The following SPTLC1 variants were observed in gnomAD, a reference collection of about 807,000 sequenced individuals.
The protein encoded by SPTLC1 is serine palmitoyltransferase 1.
A neutral mutation model predicts 68.9 loss-of-function variants in SPTLC1; 55 were observed. That is an observed-to-expected ratio of 0.80 (90% CI 0.64 to 1.00). The LOEUF is 1.00. Among genes scored for constraint, SPTLC1 ranks in the 50% least tolerant of loss-of-function variants. The pLI, the probability that SPTLC1 is intolerant of heterozygous loss-of-function variation, is 0.00. For missense variants in SPTLC1, 449 were observed against 573.1 expected, an observed-to-expected ratio of 0.78 and a Z score of 2.21; for synonymous variants, 197 against 201.6, an observed-to-expected ratio of 0.98 and a Z score of 0.19.
intron 12 of SPTLC1, among the ~76,000 whole-genome samples, chr9:92,043,853 G>A (rs992413334): frequency 1.3e-5 from 2 of 152,130 alleles, no homozygotes; most frequent in African/African-American, 4.8e-5. Flanking sequence ...ACCATGCCAG[G>A]GCTTCCTCTG....
At chr9:92,092,359 A>G (rs891340169) in intron 3 of SPTLC1, among the ~76,000 whole-genome samples, 2 of 152,196 alleles carry the variant, frequency 1.3e-5, no homozygotes, top group African/African-American at 4.8e-5. Flanking sequence ...CAAAAACTCA[A>G]GGAAAACATT....
intron 5 of SPTLC1, among the ~76,000 whole-genome samples, chr9:92,072,646 C>A (rs558027029): frequency 3.9e-5 from 6 of 152,284 alleles, no homozygotes; most frequent in African/African-American, 1.4e-4. Context: ...CAATCTAAAG[C>A]CTAAACGTCT....
chr9:92,080,941 C>T lies in SPTLC1; in HGVS notation c.283G>A (p.Val95Met). 6.2e-7 allele frequency: 1 copy of T among 1,614,112 alleles called. No homozygotes were observed. The highest frequency in any genetic ancestry group is 8.5e-7 in the Non-Finnish European group (1 of 1,179,988). The change falls in exon 4 of 15, where the codon GTG becomes ATG. Residue 95 changes from valine to methionine, a missense_variant. Around this residue, in one of 3 missense-constraint regions of SPTLC1, gnomAD observed 391 missense variants for 472.1 expected, o/e 0.83. Transcript: ENST00000262554. ...VSGPPSHKTVVNGKECINFAS... is the reference protein window; with the variant it reads ...VSGPPSHKTVMNGKECINFAS... ...AAGTTTATACATTCTTTTCCATTCACCACAGTTTTGTGGCTTGGAGGGCTA... is the reference window on the plus strand; with the variant it reads ...AAGTTTATACATTCTTTTCCATTCATCACAGTTTTGTGGCTTGGAGGGCTA...
intron 9 of SPTLC1, 87 bp downstream of exon 9, chr9:92,049,873 C>G (rs1031328345): frequency 1.6e-5 from 15 of 941,828 alleles, no homozygotes; most frequent in Non-Finnish European, 2.6e-5. Flanking sequence ...GGAACACTGT[C>G]TTGTGCCTAT....
rs1239238512 is a variant in SPTLC1 at position 92,080,105 on chromosome 9, G to T, written c.355-17C>A. On this transcript the variant is annotated splice_polypyrimidine_tract_variant and intron_variant, in intron 4 of 14. Coordinates refer to ENST00000262554, the MANE Select transcript of SPTLC1 (RefSeq NM_006415.4). The stretch of plus-strand genomic sequence containing the variant: ...AGCTGCTGCCTTTATTGAAGTACAA[G>T]AATTATACTTTAATAATTTATCTTT... 3 of 1,591,432 alleles carry T rather than the reference G, an allele frequency of 1.9e-6. No individual in the cohort carries two copies. Among genetic ancestry groups the T allele is most frequent in the Non-Finnish European group, 2.6e-6 (3 of 1,160,392 alleles).
chr9:92,059,952 C>A (rs1177410974), intron 6 of SPTLC1, among the ~76,000 whole-genome samples: 1 of 152,154 alleles, frequency 6.6e-6, no homozygotes, highest in South Asian at 2.1e-4. Flanking sequence ...CCTCCACCCC[C>A]ACTGTGGTGT....
At chr9:92,083,235 T>C (rs1201026321) in intron 3 of SPTLC1, among the ~76,000 whole-genome samples, 1 of 152,218 alleles carries the variant, frequency 6.6e-6, no homozygotes, top group African/African-American at 2.4e-5. Context: ...GCAGAAGCTC[T>C]TTAGTTTAAT....
At position 92,055,487 on chromosome 9, in the gene SPTLC1, C is replaced by T. The variant is rs764623559; in HGVS notation, c.698G>A (p.Arg233His). ...GAAACGCCGAGTTACACGAGCCTTG[C>T]GAGGATTCTTTAAAAGAGAAAAAGC... ...EQEIEDQKNP[R>H]KARVTRRFIV... Residue 233 changes from arginine (R) to histidine (H), a missense_variant, in exon 8 of 15, where the codon CGC becomes CAC. Around this residue, in one of 3 missense-constraint regions of SPTLC1, gnomAD observed 391 missense variants for 472.1 expected, o/e 0.83. Transcript: ENST00000262554. 4.3e-6 allele frequency: 7 copies of T among 1,613,372 alleles called. No homozygotes were observed. The highest frequency in any genetic ancestry group is 1.1e-5 in the South Asian group (1 of 91,080).
In SPTLC1 at chr9:92,077,882, CTT is replaced by C. The variant is rs1330735107; in HGVS notation, c.427+2132_427+2133del. ...GAAGTTCTTTTCTTTTATACTTACTCTTTGTCTCACTCCCATTCCCTTGCCAC... is the reference window on the plus strand; with the variant it reads ...GAAGTTCTTTTCTTTTATACTTACTCTGTCTCACTCCCATTCCCTTGCCAC... On this transcript the variant is annotated intron_variant, in intron 5 of 14. Transcript: ENST00000262554. Among the ~76,000 whole-genome samples the C allele has an allele frequency of 4.6e-5, 7 of 152,144 alleles. 1 individual carries two copies. The South Asian group carries it at 1.4e-3, about 31-fold the overall frequency.
rs1833495203 is a variant in SPTLC1 at position 92,045,861 on chromosome 9, A to G, written c.1136+138T>C. The G allele has an allele frequency of 9.9e-6, 7 of 704,322 alleles. No individual in the cohort carries two copies. The Admixed American group carries it at 1.5e-4, about 15-fold the overall frequency. The allele number at this position is 704,322 out of a possible 1,614,324, so 43.6% of individuals were successfully genotyped here. ...GATCTGGTTTTACACAAATAAACCA[A>G]TGTGAGTGAACTAAGTTTTTGGTTT... On this transcript the variant is annotated intron_variant, in intron 12 of 14. Coordinates refer to ENST00000262554, the MANE Select transcript of SPTLC1 (RefSeq NM_006415.4).
chr9:92,083,626 C>T (rs1834988572), intron 3 of SPTLC1, among the ~76,000 whole-genome samples: 1 of 152,128 alleles, frequency 6.6e-6, no homozygotes, highest in Non-Finnish European at 1.5e-5. Context: ...CAGTACCATG[C>T]TGTTTTGGTT....
intron 8 of SPTLC1, chr9:92,053,880 C>A: frequency 1.2e-6 from 1 of 811,946 alleles, no homozygotes; most frequent in Non-Finnish European, 1.5e-6. Flanking sequence ...TGTCACTGTC[C>A]TGTACAATTT....
intron 3 of SPTLC1, among the ~76,000 whole-genome samples, chr9:92,106,418 G>A (rs1377918769): frequency 1.4e-5 from 2 of 147,566 alleles, no homozygotes; most frequent in African/African-American, 5.1e-5. Flanking sequence ...AGGTTGCAGT[G>A]AGCCGAGATC....
At chr9:92,064,787 T>C (rs563435656) in intron 6 of SPTLC1, among the ~76,000 whole-genome samples, 4 of 152,298 alleles carry the variant, frequency 2.6e-5, no homozygotes, top group African/African-American at 7.2e-5. Context: ...AGGAACCAAC[T>C]CTGGATACAA....
rs118093353 is a variant in SPTLC1 at position 92,090,964 on chromosome 9, C to T, written c.261-10001G>A. Among the ~76,000 whole-genome samples the T allele has an allele frequency of 3.2e-4, 49 of 152,280 alleles. No homozygotes were observed. The East Asian group carries it at 8.9e-3, about 28-fold the overall frequency. Reference sequence around the variant, plus strand: ...CCTGGGTCCCTAATCATCTGTGGCGCTAGCTACCTTGCTCCCCACTTGTGA... The same window carrying T: ...CCTGGGTCCCTAATCATCTGTGGCGTTAGCTACCTTGCTCCCCACTTGTGA... On this transcript the variant is annotated intron_variant, in intron 3 of 14. Coordinates refer to ENST00000262554, the MANE Select transcript of SPTLC1 (RefSeq NM_006415.4).
intron 6 of SPTLC1, among the ~76,000 whole-genome samples, chr9:92,059,943 C>T (rs183619734): frequency 8.4e-4 from 128 of 152,276 alleles, no homozygotes; most frequent in Non-Finnish European, 1.5e-3. Context: ...AGTGGACCCC[C>T]TCCACCCCCA....
chr9:92,055,235 C>G lies in SPTLC1; in HGVS notation c.780+170G>C, dbSNP rs1833845385. Reference sequence around the variant, plus strand: ...AGCAGTCTTGATTACTCTTTGAAGGCCAGCACTGGCATTCAGTGTTGTTCT... The same window carrying G: ...AGCAGTCTTGATTACTCTTTGAAGGGCAGCACTGGCATTCAGTGTTGTTCT... On this transcript the variant is annotated intron_variant, in intron 8 of 14. Transcript: ENST00000262554. 1.4e-5 allele frequency: 21 copies of G among 1,469,908 alleles called. No individual in the cohort carries two copies. In the South Asian group the frequency reaches 2.8e-4, roughly 19 times the overall value. 91.1% of individuals were successfully genotyped at this position (1,469,908 alleles called of 1,614,324 possible).
rs75878157 is a variant in SPTLC1 at position 92,060,402 on chromosome 9, G to A, written c.561-1094C>T. On this transcript the variant is annotated intron_variant, in intron 6 of 14. Transcript: ENST00000262554. Reference sequence around the variant, plus strand: ...CTTACAACAATTTTAGAGCAGCCACGATAAAAATATTTTAATGAGCCACCA... The same window carrying A: ...CTTACAACAATTTTAGAGCAGCCACAATAAAAATATTTTAATGAGCCACCA... Among the ~76,000 whole-genome samples the A allele has an allele frequency of 6.9e-3, 1,047 of 152,162 alleles. 11 individuals are homozygous for A. The highest frequency in any genetic ancestry group is 0.024 in the African/African-American group (988 of 41,502).
intron 7 of SPTLC1, among the ~76,000 whole-genome samples, chr9:92,057,837 A>C (rs186154535): frequency 6.6e-6 from 1 of 152,346 alleles, no homozygotes; most frequent in Admixed American, 6.5e-5. Flanking sequence ...ATAAATTAGT[A>C]AAAAAGTAAA....
Sources: allele counts gnomAD v4.1 joint callset (sites outside exome capture counted in the v4.1 genomes callset), GRCh38; gene constraint gnomAD v4.1.1; regional missense constraint gnomAD v4.1.1; transcripts MANE v1.5; gene names NCBI Gene and HGNC (gene_info 2026-07-23, HGNC 2026-07-21).